DLGAP4: variants seen among roughly 807,000 people sequenced by gnomAD.
The protein encoded by DLGAP4 is disks large-associated protein 4.
DLGAP4 carries 18 observed loss-of-function variants against 86.9 expected under a neutral mutation model. The observed-to-expected ratio is 0.21, with a 90% CI of 0.14 to 0.31. DLGAP4 has a LOEUF of 0.31. Ranked by LOEUF, DLGAP4 falls within the 10% of genes least tolerant of loss-of-function variation. The pLI is 1.00. For synonymous variants in DLGAP4, 548 were observed against 574.3 expected (o/e 0.95, Z 0.65); for missense variants, 1,085 against 1,362.6 (o/e 0.80, Z 3.21).
rs1174992294 is a variant in DLGAP4, at chr20:36,393,677, T to C, written c.-73+26402T>C. On this transcript the variant is annotated intron_variant, in intron 2 of 12. Transcript: ENST00000339266. This position sits in a 1 kb window ranked among gnomAD's most constrained non-coding sequence, Gnocchi z 4.4. ...CAAAGTGAGAAACTGAGGCCGACCCTGGCACTTAGGAGGGAAGGAAAGGGG... is the reference window on the plus strand; with the variant it reads ...CAAAGTGAGAAACTGAGGCCGACCCCGGCACTTAGGAGGGAAGGAAAGGGG... Among the ~76,000 whole-genome samples the C allele has an allele frequency of 6.6e-6, 1 of 152,138 alleles. No individual in the cohort carries two copies. Among genetic ancestry groups the C allele is most frequent in the East Asian group, 1.9e-4 (1 of 5,188 alleles).
chr20:36,339,478 C>T (rs1463886577), intron 1 of DLGAP4, among the ~76,000 whole-genome samples: 1 of 152,224 alleles, frequency 6.6e-6, no homozygotes, highest in Non-Finnish European at 1.5e-5. Flanking sequence ...ACATCAACCT[C>T]CTGGGCTCAA....
intron 3 of DLGAP4, 141 bp from the exon 4 acceptor site, chr20:36,435,968 C>T: frequency 2.3e-6 from 3 of 1,295,996 alleles, no homozygotes; most frequent in African/African-American, 3.1e-5. Context: ...TCTGCTGCCC[C>T]GAGGTTTCAA....
intron 10 of DLGAP4, among the ~76,000 whole-genome samples, chr20:36,514,318 A>C (rs984143036): frequency 1.3e-5 from 2 of 152,206 alleles, no homozygotes; most frequent in Admixed American, 1.3e-4. Flanking sequence ...AAGAGAAAAC[A>C]GGAGAGTAAT....
At chr20:36,466,910 G>A (rs868610208) in intron 7 of DLGAP4, among the ~76,000 whole-genome samples, 9 of 150,436 alleles carry the variant, frequency 6.0e-5, no homozygotes, top group East Asian at 5.8e-4. Flanking sequence ...TGGTCAAAGC[G>A]AGTCTCTCGC....
intron 11 of DLGAP4, chr20:36,525,481 GA>G (rs2037695276): frequency 1.2e-5 from 4 of 320,306 alleles, no homozygotes; most frequent in Admixed American, 8.2e-5. Flanking sequence ...AAACAACACA[GA>G]TTCTGTGACC....
chr20:36,509,474 G>A (rs2036566212), intron 10 of DLGAP4, among the ~76,000 whole-genome samples: 1 of 152,068 alleles, frequency 6.6e-6, no homozygotes, highest in Non-Finnish European at 1.5e-5. Flanking sequence ...GGGAGGCTGA[G>A]GCAGGAGAAT....
chr20:36,374,154 C>G (rs762691571), intron 2 of DLGAP4, among the ~76,000 whole-genome samples: 1 of 152,120 alleles, frequency 6.6e-6, no homozygotes, highest in Non-Finnish European at 1.5e-5. Flanking sequence ...TCTGAAGTAC[C>G]GATTTCACTA....
At position 36,527,351 on chromosome 20, in the gene DLGAP4, T is replaced by C. The variant is rs1191245821; in HGVS notation, c.*320T>C. The C allele has an allele frequency of 4.5e-6, 1 of 224,424 alleles. No individual in the cohort carries two copies. Among genetic ancestry groups the C allele is most frequent in the Non-Finnish European group, 8.9e-6 (1 of 112,814 alleles). The allele number at this position is 224,424 out of a possible 1,614,324, so 13.9% of individuals were successfully genotyped here. On this transcript the variant is annotated 3_prime_UTR_variant, in exon 13 of 13. Coordinates refer to ENST00000339266, the MANE Select transcript of DLGAP4 (RefSeq NM_001365621.2). ...CCCAGCCTCCATACTGCGGTCTTTT[T>C]ACTCGTTCTATCTGATGAGAACTCA...
intron 4 of DLGAP4, 129 bp from the exon 5 acceptor site, chr20:36,439,625 G>A (rs986682770): frequency 1.4e-6 from 1 of 738,956 alleles, no homozygotes. Context: ...ACAAGCTGGT[G>A]CTGCCACCCT....
chr20:36,495,408 A>G (rs553450414), intron 7 of DLGAP4, among the ~76,000 whole-genome samples: 50 of 152,266 alleles, frequency 3.3e-4, no homozygotes, highest in African/African-American at 1.0e-3. Flanking sequence ...TTGAAGGCAC[A>G]GTTTATCTGG....
chr20:36,474,312 G>A (rs1002219407), intron 7 of DLGAP4, among the ~76,000 whole-genome samples: 1 of 152,154 alleles, frequency 6.6e-6, no homozygotes, highest in Admixed American at 6.5e-5. Flanking sequence ...GGGGAGAGGC[G>A]AATGCTCTGC....
intron 6 of DLGAP4, 93 bp from the exon 7 acceptor site, chr20:36,446,604 T>C: frequency 8.1e-7 from 1 of 1,230,350 alleles, no homozygotes; most frequent in South Asian, 1.4e-5. Context: ...CCCCACAGAC[T>C]GTCCAGCCCT....
chr20:36,411,925 G>A (rs945806945), intron 2 of DLGAP4, among the ~76,000 whole-genome samples: 13 of 152,146 alleles, frequency 8.5e-5, no homozygotes, highest in East Asian at 3.9e-4. Context: ...CTGAAATACC[G>A]TCTCCTCTGG....
intron 7 of DLGAP4, among the ~76,000 whole-genome samples, chr20:36,457,179 G>C (rs2033898888): frequency 6.6e-6 from 1 of 151,964 alleles, no homozygotes; most frequent in Non-Finnish European, 1.5e-5. Context: ...GTATAAACAG[G>C]GTGGCTAGGG....
chr20:36,337,910 C>T (rs2065338544), intron 1 of DLGAP4, among the ~76,000 whole-genome samples: 1 of 152,224 alleles, frequency 6.6e-6, no homozygotes, highest in South Asian at 2.1e-4. Context: ...CCTTTAGCCT[C>T]ACCACTATGC....
At chr20:36,372,995 T>C (rs1351701363) in intron 2 of DLGAP4, among the ~76,000 whole-genome samples, 1 of 152,218 alleles carries the variant, frequency 6.6e-6, no homozygotes, top group Non-Finnish European at 1.5e-5. Flanking sequence ...TCTACTGATT[T>C]TTTTTTCACT....
At chr20:36,424,373 CTA>C (rs1180385665) in intron 2 of DLGAP4, among the ~76,000 whole-genome samples, 1 of 152,130 alleles carries the variant, frequency 6.6e-6, no homozygotes, top group Admixed American at 6.6e-5. Context: ...TAAGGACAGA[CTA>C]TGGGTGGAGC....
chr20:36,324,729 T>C (rs1161220464), intron 1 of DLGAP4, among the ~76,000 whole-genome samples: 4 of 152,232 alleles, frequency 2.6e-5, no homozygotes, highest in Non-Finnish European at 5.9e-5. Context: ...TTGATTATTG[T>C]AGCTTTGTAA....
intron 1 of DLGAP4, among the ~76,000 whole-genome samples, chr20:36,322,008 T>A (rs1555890599): frequency 6.6e-6 from 1 of 151,630 alleles, no homozygotes; most frequent in Non-Finnish European, 1.5e-5. Context: ...TGGCTCTGAG[T>A]GAAAGGGACT....
Sources: gnomAD v4.1 joint callset for allele counts (sites outside exome capture counted in the v4.1 genomes callset) on GRCh38, gnomAD v4.1.1 for gene constraint, Gnocchi (gnomAD v3.1) non-coding constraint, MANE v1.5 for transcripts, NCBI Gene and HGNC (gene_info 2026-07-23, HGNC 2026-07-21) for gene names.